Variants in TOPBP1 observed in about 807,000 individuals in gnomAD.
TOPBP1 encodes DNA topoisomerase 2-binding protein 1.
Under a neutral mutation model 167.7 loss-of-function variants are expected in TOPBP1, and 28 were observed. That is an observed-to-expected ratio of 0.17 (90% CI 0.12 to 0.23). The LOEUF (loss-of-function observed/expected upper bound fraction) is 0.23, where lower values mean the gene tolerates loss of function less well. Ranked by LOEUF, TOPBP1 falls within the 10% of genes least tolerant of loss-of-function variation. TOPBP1 has a pLI of 1.00. For synonymous variants in TOPBP1, 598 were observed against 611.4 expected (o/e 0.98, Z 0.32); for missense variants, 1,554 against 1,809.6 (o/e 0.86, Z 2.56).
chr3:133,659,720 C>T (rs955044065), intron 2 of TOPBP1, among the ~76,000 whole-genome samples: 1 of 151,972 alleles, frequency 6.6e-6, no homozygotes, highest in African/African-American at 2.4e-5. Flanking sequence ...CTCAAATACC[C>T]TTCCTCTACC....
chr3:133,614,228 A>G (rs1243638182), intron 23 of TOPBP1, among the ~76,000 whole-genome samples: 4 of 152,210 alleles, frequency 2.6e-5, no homozygotes, highest in Non-Finnish European at 4.4e-5. Context: ...TTACTAACTC[A>G]TTTAATTCTC....
At chr3:133,629,963 T>C (rs1246479888) in intron 14 of TOPBP1, among the ~76,000 whole-genome samples, 1 of 152,006 alleles carries the variant, frequency 6.6e-6, no homozygotes, top group Non-Finnish European at 1.5e-5. Context: ...ATTTTTCGTA[T>C]TTTTAGTAGA....
intron 5 of TOPBP1, among the ~76,000 whole-genome samples, 188 bp from the exon 6 acceptor site, chr3:133,655,674 G>C (rs1048356087): frequency 2.6e-5 from 4 of 152,020 alleles, no homozygotes; most frequent in Admixed American, 6.6e-5. Flanking sequence ...CTAAAACAAA[G>C]TAATTGTTTC....
At chr3:133,651,643 C>T (rs76048243) in intron 8 of TOPBP1, among the ~76,000 whole-genome samples, 94 of 152,276 alleles carry the variant, frequency 6.2e-4, no homozygotes, top group African/African-American at 2.2e-3. Flanking sequence ...CATCAACAAA[C>T]TTATAAGACA....
In TOPBP1 at chr3:133,643,349, A is replaced by T. The variant is rs977090081; in HGVS notation, c.1872T>A (p.Thr624=). ...TWLVTCIDYQ[T]LFDPKSNPLF... is the part of the protein sequence containing the mutation. Reference sequence around the variant, plus strand: ...GAGGATTCGACTTTGGATCAAACAAAGTCTGATAGTCTATGCAAGTAACCT... The same window carrying T: ...GAGGATTCGACTTTGGATCAAACAATGTCTGATAGTCTATGCAAGTAACCT... The change falls in exon 12 of 28, where the codon ACT becomes ACA. Residue 624 remains threonine (T), a synonymous_variant. Coordinates refer to ENST00000260810, the MANE Select transcript of TOPBP1 (RefSeq NM_007027.4). The T allele has an allele frequency of 1.3e-6, 2 of 1,596,190 alleles. No homozygotes were observed. The highest frequency in any genetic ancestry group is 1.7e-6 in the Non-Finnish European group (2 of 1,174,078).
At chr3:133,608,163 AGG>A (rs1483375962) in intron 27 of TOPBP1, among the ~76,000 whole-genome samples, 2 of 152,178 alleles carry the variant, frequency 1.3e-5, no homozygotes, top group Non-Finnish European at 2.9e-5. Flanking sequence ...TGTCTAACAT[AGG>A]TATTTAATGT....
chr3:133,656,556 A>T, intron 5 of TOPBP1, 120 bp downstream of exon 5: 1 of 981,302 alleles, frequency 1.0e-6, no homozygotes. Context: ...TTCGCTGGAG[A>T]AAAGAGTAAT....
At chr3:133,654,631 C>T (rs1380966586) in intron 6 of TOPBP1, among the ~76,000 whole-genome samples, 2 of 152,128 alleles carry the variant, frequency 1.3e-5, no homozygotes, top group African/African-American at 4.8e-5. Context: ...AAAACATTAA[C>T]AAAACTCATC....
intron 5 of TOPBP1, among the ~76,000 whole-genome samples, chr3:133,656,073 T>G (rs1441052089): frequency 6.6e-6 from 1 of 151,038 alleles, no homozygotes; most frequent in Non-Finnish European, 1.5e-5. Context: ...TTTGGTCTTG[T>G]GGTTGTTTAT....
rs79629232 is a variant in TOPBP1 at position 133,600,330 on chromosome 3, C to T, written c.*920G>A. Reference sequence around the variant, plus strand: ...TCAGCTCACCGCAACCTCCGCCTCCCGGGTTCAAGCGATTCTCCTGCCTCA... The same window carrying T: ...TCAGCTCACCGCAACCTCCGCCTCCTGGGTTCAAGCGATTCTCCTGCCTCA... On this transcript the variant is annotated 3_prime_UTR_variant, in exon 28 of 28. Coordinates refer to ENST00000260810, the MANE Select transcript of TOPBP1 (RefSeq NM_007027.4). 21,186 of 151,706 alleles carry T rather than the reference C, an allele frequency of 0.14. 1,814 individuals carry two copies. The highest frequency in any genetic ancestry group is 0.2 in the Non-Finnish European group (13,565 of 68,152). 9.4% of individuals were successfully genotyped at this position (151,706 alleles called of 1,614,324 possible).
intron 10 of TOPBP1, among the ~76,000 whole-genome samples, chr3:133,648,824 T>C (rs949184792): frequency 1.3e-5 from 2 of 152,148 alleles, no homozygotes; most frequent in African/African-American, 4.8e-5. Context: ...TTTCTAAGGT[T>C]CTTGTTTTAT....
At chr3:133,641,708 T>C (rs1935894147) in intron 12 of TOPBP1, among the ~76,000 whole-genome samples, 1 of 152,224 alleles carries the variant, frequency 6.6e-6, no homozygotes, top group South Asian at 2.1e-4. Flanking sequence ...TATTTCAGAA[T>C]TTGCATGACT....
At chr3:133,611,472 GAC>G (rs1220238050) in intron 24 of TOPBP1, among the ~76,000 whole-genome samples, 1 of 152,204 alleles carries the variant, frequency 6.6e-6, no homozygotes. Context: ...TTCATGAAAG[GAC>G]ACAGTCTCAG....
rs2107830792 is a variant in TOPBP1 at position 133,653,485 on chromosome 3, C to G, written c.782G>C (p.Cys261Ser). ...GTCAAAAAACCACTGTGTGGTCACA[C>G]AGTGTACATTCCATCTCTTGGCACA... ...YECAKRWNVHCVTTQWFFDSI... is the reference protein window; with the variant it reads ...YECAKRWNVHSVTTQWFFDSI... Residue 261 changes from cysteine (C) to serine (S), a missense_variant, in exon 7 of 28, where the codon TGT becomes TCT. Physicochemically the swap from Cys to Ser is moderately radical, Grantham distance 112 (BLOSUM62 -1). Transcript: ENST00000260810. 6.2e-7 allele frequency: 1 copy of G among 1,611,084 alleles called. No individual in the cohort carries two copies. The highest frequency in any genetic ancestry group is 1.1e-5 in the South Asian group (1 of 90,458).
intron 20 of TOPBP1, among the ~76,000 whole-genome samples, chr3:133,619,126 C>CA (rs1935000193): frequency 7.9e-6 from 1 of 127,076 alleles, no homozygotes; most frequent in South Asian, 2.4e-4. Flanking sequence ...AAAAAAAAAA[C>CA]AAAAAACAAA....
At chr3:133,625,435 T>C (rs1935236438) in intron 16 of TOPBP1, among the ~76,000 whole-genome samples, 1 of 152,174 alleles carries the variant, frequency 6.6e-6, no homozygotes, top group Non-Finnish European at 1.5e-5. Context: ...AATAGACAAA[T>C]GAATTAAGAA....
rs1935044237 is a variant in TOPBP1 at position 133,620,342 on chromosome 3, T to C, written c.3184A>G (p.Thr1062Ala). Residue 1062 changes from threonine to alanine, a missense_variant, in exon 20 of 28, where the codon ACA (threonine) becomes GCA (alanine). Transcript: ENST00000260810. ...TTCTCTCTCATCTCTAAGGTCTGTG[T>C]CAGAACTTGAAACAAACACAAATAC... ...SGKNDSKGVL[T>A]QTLEMRENFQ... 1 of 1,612,644 alleles carries C rather than the reference T, an allele frequency of 6.2e-7. No homozygotes were observed. The highest frequency in any genetic ancestry group is 1.1e-5 in the South Asian group (1 of 90,948).
At chr3:133,637,783 A>G (rs1048073637) in intron 14 of TOPBP1, 93 bp downstream of exon 14, 1 of 1,341,366 alleles carries the variant, frequency 7.5e-7, no homozygotes, top group Admixed American at 2.6e-5. Flanking sequence ...TGGAAAATTT[A>G]TTACTACACT....
intron 1 of TOPBP1, 53 bp from the exon 2 acceptor site, chr3:133,661,187 T>TTGCA: frequency 7.2e-7 from 1 of 1,387,136 alleles, no homozygotes; most frequent in Non-Finnish European, 9.7e-7. Context: ...AGATAAAAAG[T>TTGCA]TGCATGTTTA....
Sources: allele counts gnomAD v4.1 joint callset (sites outside exome capture counted in the v4.1 genomes callset), GRCh38; gene constraint gnomAD v4.1.1; transcripts MANE v1.5; gene names NCBI Gene and HGNC (gene_info 2026-07-23, HGNC 2026-07-21).